Variants in ARHGEF10L observed in about 807,000 individuals in gnomAD.
The protein encoded by ARHGEF10L is Rho guanine nucleotide exchange factor 10 like.
In ARHGEF10L, 69 loss-of-function variants were observed where a neutral mutation model predicts 141.2. That is an observed-to-expected ratio of 0.49 (90% CI 0.40 to 0.60). ARHGEF10L has a LOEUF of 0.60. Ranked by LOEUF, ARHGEF10L falls within the 20% of genes least tolerant of loss-of-function variation. The probability of loss-of-function intolerance (pLI) is 0.00; values close to 1 mark genes in which losing one functional copy is unlikely to be tolerated. For synonymous variants in ARHGEF10L, 711 were observed against 718.5 expected (o/e 0.99, Z 0.17); for missense variants, 1,482 against 1,734.3 (o/e 0.85, Z 2.58).
At chr1:17,662,192 G>C (rs2062673657) in intron 25 of ARHGEF10L, among the ~76,000 whole-genome samples, 1 of 152,176 alleles carries the variant, frequency 6.6e-6, no homozygotes. Flanking sequence ...GATAATAATA[G>C]TATCTACCAC....
intron 1 of ARHGEF10L, among the ~76,000 whole-genome samples, chr1:17,546,238 C>A (rs778097418): frequency 1.3e-5 from 2 of 151,818 alleles, no homozygotes; most frequent in Non-Finnish European, 2.9e-5. Flanking sequence ...GGTGGATTCT[C>A]AAAAAAAATC....
Position 17,587,568 on chromosome 1 carries a change from C to A in ARHGEF10L, c.146C>A (p.Ala49Asp). ...GATGATGAAGAGGACACCAGCGCAG[C>A]CCTGGGCGTCCCCAGCCTTGCTCCT... ...DSDDEEDTSA[A>D]LGVPSLAPER... Residue 49 changes from alanine to aspartate, a missense_variant, in exon 3 of 29, where the codon GCC becomes GAC. By Grantham distance (126) the Ala-to-Asp change is moderately radical (BLOSUM62 -2). Around this residue, in one of 3 missense-constraint regions of ARHGEF10L, gnomAD observed 232 missense variants for 225.9 expected, o/e 1.03. Coordinates refer to ENST00000361221, the MANE Select transcript of ARHGEF10L (RefSeq NM_018125.4). 6.2e-7 allele frequency: 1 copy of A among 1,614,182 alleles called. No homozygotes were observed. Among genetic ancestry groups the A allele is most frequent in the Non-Finnish European group, 8.5e-7 (1 of 1,180,024 alleles).
chr1:17,656,282 A>G lies in ARHGEF10L; in HGVS notation c.2705+180A>G, dbSNP rs1260967111. 6.6e-6 allele frequency among the ~76,000 whole-genome samples: 1 copy of G among 152,212 alleles called. No homozygotes were observed. The highest frequency in any genetic ancestry group is 1.5e-5 in the Non-Finnish European group (1 of 68,026). ...AGCCAAAGTGTCGGGAGCGGCCTGC[A>G]GTGCAGTTGCCTGGCTCCTCCCAGG... On this transcript the variant is annotated intron_variant, in intron 24 of 28. Transcript: ENST00000361221. This position sits in a 1 kb window ranked among gnomAD's most constrained non-coding sequence, Gnocchi z 4.9.
At chr1:17,635,153 T>C in intron 18 of ARHGEF10L, 137 bp downstream of exon 18, 1 of 1,094,550 alleles carries the variant, frequency 9.1e-7, no homozygotes, top group Non-Finnish European at 1.3e-6. Context: ...AGGAAGCTCT[T>C]GCTGGTTTTG....
At chr1:17,689,947 G>T (rs13375575) in intron 27 of ARHGEF10L, 132 of 421,426 alleles carry the variant, frequency 3.1e-4, no homozygotes, top group African/African-American at 2.2e-3. Flanking sequence ...TGTTTCACAT[G>T]CACCTTCACG....
At chr1:17,640,773 A>G (rs1455983539) in intron 21 of ARHGEF10L, among the ~76,000 whole-genome samples, 3 of 152,224 alleles carry the variant, frequency 2.0e-5, no homozygotes, top group Non-Finnish European at 4.4e-5. Flanking sequence ...ACCCAGAAAA[A>G]TGATGCAGGT....
intron 4 of ARHGEF10L, among the ~76,000 whole-genome samples, chr1:17,597,819 G>A (rs753513958): frequency 8.5e-5 from 13 of 152,310 alleles, no homozygotes; most frequent in Non-Finnish European, 1.3e-4. Context: ...AAGGTGCAGC[G>A]AGGAGGAGCC....
chr1:17,671,795 G>A (rs965560276), intron 26 of ARHGEF10L, among the ~76,000 whole-genome samples: 1 of 152,216 alleles, frequency 6.6e-6, no homozygotes, highest in Admixed American at 6.5e-5. Context: ...CCAGACTGAA[G>A]CTGAGTAGGG....
intron 26 of ARHGEF10L, among the ~76,000 whole-genome samples, chr1:17,666,444 C>T (rs2062980912): frequency 6.6e-6 from 1 of 152,066 alleles, no homozygotes; most frequent in South Asian, 2.1e-4. Flanking sequence ...GGAGCAGGGG[C>T]CTGGGGGCTG....
At chr1:17,688,584 T>G (rs1397899916) in intron 27 of ARHGEF10L, among the ~76,000 whole-genome samples, 3 of 152,158 alleles carry the variant, frequency 2.0e-5, no homozygotes, top group Non-Finnish European at 4.4e-5. Context: ...AGGGCTGGGT[T>G]CAGCAGCTGG....
At chr1:17,562,215 G>C (rs112344106) in intron 1 of ARHGEF10L, among the ~76,000 whole-genome samples, 54 of 152,184 alleles carry the variant, frequency 3.5e-4, no homozygotes, top group Non-Finnish European at 1.0e-4. Context: ...AGGACTTGGA[G>C]ACCAGCCTGG....
chr1:17,554,806 G>C (rs894798305), intron 1 of ARHGEF10L, among the ~76,000 whole-genome samples: 24 of 151,990 alleles, frequency 1.6e-4, no homozygotes, highest in African/African-American at 5.3e-4. Flanking sequence ...GCCCAGGCTG[G>C]TCTCAAACTC....
At position 17,656,275 on chromosome 1, in the gene ARHGEF10L, G is replaced by A. The variant is rs529652204; in HGVS notation, c.2705+173G>A. Among the ~76,000 whole-genome samples, 40 of 152,298 alleles carry A rather than the reference G, an allele frequency of 2.6e-4. No homozygotes were observed. The highest frequency in any genetic ancestry group is 7.7e-4 in the East Asian group (4 of 5,170). On this transcript the variant is annotated intron_variant, in intron 24 of 28. Transcript: ENST00000361221. The surrounding 1 kb of genome is among the most constrained non-coding windows in gnomAD (Gnocchi z 4.9). ...GTGTGGGAGCCAAAGTGTCGGGAGC[G>A]GCCTGCAGTGCAGTTGCCTGGCTCC...
the ARHGEF10L span, among the ~76,000 whole-genome samples, chr1:17,529,740 AAGC>A: frequency 6.6e-6 from 1 of 151,744 alleles, no homozygotes; most frequent in Non-Finnish European, 1.5e-5. Flanking sequence ...GTGGAGCTCT[AAGC>A]AGAGCAGCCA....
At chr1:17,560,628 C>CA (rs2077508391) in intron 1 of ARHGEF10L, among the ~76,000 whole-genome samples, 1 of 152,222 alleles carries the variant, frequency 6.6e-6, no homozygotes, top group Non-Finnish European at 1.5e-5. Context: ...TACAATGGCG[C>CA]AATCTCGGCT....
intron 1 of ARHGEF10L, among the ~76,000 whole-genome samples, chr1:17,556,298 C>T (rs563572488): frequency 5.9e-4 from 3 of 5,064 alleles, no homozygotes; most frequent in African/African-American, 1.5e-3. Context: ...GAGCACAGGG[C>T]GGGCCTGGGA....
intron 25 of ARHGEF10L, among the ~76,000 whole-genome samples, chr1:17,658,421 C>T (rs1480305507): frequency 2.6e-5 from 4 of 152,116 alleles, no homozygotes; most frequent in African/African-American, 7.2e-5. Context: ...TTGAACCCCA[C>T]GCCCTCATTT....
chr1:17,583,059 GA>G (rs34079639), intron 2 of ARHGEF10L, among the ~76,000 whole-genome samples: 2,157 of 139,800 alleles, frequency 0.015, 23 homozygotes, highest in Middle Eastern at 0.056. Flanking sequence ...TACAAAAAAT[GA>G]AAAAAAAAAA....
intron 27 of ARHGEF10L, among the ~76,000 whole-genome samples, chr1:17,693,427 T>C (rs1353346806): frequency 1.3e-5 from 2 of 152,156 alleles, no homozygotes; most frequent in Non-Finnish European, 2.9e-5. Flanking sequence ...CAATGCTGGG[T>C]GTACCCCGAG....
Sources: gnomAD v4.1 joint callset for allele counts (sites outside exome capture counted in the v4.1 genomes callset) on GRCh38, gnomAD v4.1.1 for gene constraint, gnomAD v4.1.1 regional missense constraint, Gnocchi (gnomAD v3.1) non-coding constraint, MANE v1.5 for transcripts, NCBI Gene and HGNC (gene_info 2026-07-23, HGNC 2026-07-21) for gene names.